Variants in CAMK1D observed in about 807,000 individuals in gnomAD.
CAMK1D encodes calcium/calmodulin dependent protein kinase ID, also known as calcium/calmodulin-dependent protein kinase type 1D.
CAMK1D carries 9 observed loss-of-function variants against 47.7 expected under a neutral mutation model. The ratio of observed to expected loss-of-function variants is 0.19; its 90% CI spans 0.11 to 0.33. The LOEUF is 0.33. Ranked by LOEUF, CAMK1D falls within the 10% of genes least tolerant of loss-of-function variation. CAMK1D has a pLI of 1.00. For synonymous variants in CAMK1D, 184 were observed against 184.9 expected (o/e 0.99, Z 0.04); for missense variants, 291 against 488.7 (o/e 0.60, Z 3.81).
At chr10:12,652,645 C>G (rs1032168973) in intron 2 of CAMK1D, among the ~76,000 whole-genome samples, 2 of 152,046 alleles carry the variant, frequency 1.3e-5, no homozygotes, top group Non-Finnish European at 2.9e-5. Context: ...TTAGCCACAA[C>G]CTATTTGTAA....
chr10:12,389,718 A>AT (rs1348984281), intron 1 of CAMK1D, among the ~76,000 whole-genome samples: 1 of 152,170 alleles, frequency 6.6e-6, no homozygotes, highest in African/African-American at 2.4e-5. Flanking sequence ...TAGTTAGATG[A>AT]AAACGCCCTC....
intron 5 of CAMK1D, among the ~76,000 whole-genome samples, chr10:12,783,493 G>A (rs1161449540): frequency 6.6e-6 from 1 of 152,144 alleles, no homozygotes; most frequent in African/African-American, 2.4e-5. Context: ...GGGCTTCGCC[G>A]TTTCCTCCAC....
intron 1 of CAMK1D, among the ~76,000 whole-genome samples, chr10:12,463,075 G>A (rs147313960): frequency 1.4e-4 from 21 of 151,616 alleles, no homozygotes; most frequent in African/African-American, 5.1e-4. Flanking sequence ...GTCCAAGACC[G>A]ATAACAGCAA....
intron 1 of CAMK1D, among the ~76,000 whole-genome samples, chr10:12,371,537 C>G (rs1191032127): frequency 6.7e-6 from 1 of 148,504 alleles, no homozygotes; most frequent in Non-Finnish European, 1.5e-5. Context: ...GATCGTGCCA[C>G]TGCACTCCAG....
At chr10:12,490,759 C>T (rs1392140881) in intron 1 of CAMK1D, among the ~76,000 whole-genome samples, 104 of 152,170 alleles carry the variant, frequency 6.8e-4, no homozygotes, top group Non-Finnish European at 5.9e-5. Context: ...GCAGGAGAAT[C>T]GCTTGAACCC....
At chr10:12,455,608 C>A (rs1453292092) in intron 1 of CAMK1D, among the ~76,000 whole-genome samples, 1 of 152,124 alleles carries the variant, frequency 6.6e-6, no homozygotes, top group Non-Finnish European at 1.5e-5. Context: ...GTTTTTTCCC[C>A]ATTGCTCTGT....
At chr10:12,441,989 T>G (rs888564245) in intron 1 of CAMK1D, among the ~76,000 whole-genome samples, 1 of 152,178 alleles carries the variant, frequency 6.6e-6, no homozygotes, top group Non-Finnish European at 1.5e-5. Flanking sequence ...TAAAATAAAT[T>G]TTCTTGCACA....
intron 2 of CAMK1D, chr10:12,578,910 A>C (rs964165846): frequency 6.5e-6 from 1 of 153,952 alleles, no homozygotes. Flanking sequence ...CTATGTGAAC[A>C]CGGTGGGTAG....
At chr10:12,527,350 CTTTT>C (rs750670427) in intron 1 of CAMK1D, among the ~76,000 whole-genome samples, 5 of 84,034 alleles carry the variant, frequency 5.9e-5, no homozygotes, top group African/African-American at 9.7e-5. Flanking sequence ...ACTTGACTTG[CTTTT>C]TTTTTTTTTT....
At chr10:12,676,734 A>G (rs1840821475) in intron 3 of CAMK1D, among the ~76,000 whole-genome samples, 1 of 152,156 alleles carries the variant, frequency 6.6e-6, no homozygotes. Context: ...GGAAAAAAAG[A>G]ACTTCGTAGG....
intron 3 of CAMK1D, among the ~76,000 whole-genome samples, chr10:12,694,112 TATATTATGC>T (rs1219472719): frequency 5.5e-3 from 260 of 47,354 alleles, no homozygotes; most frequent in Middle Eastern, 0.028. Context: ...ATATATAATA[TATATTATGC>T]ATAATATATA....
At chr10:12,369,110 C>T (rs1837935560) in intron 1 of CAMK1D, among the ~76,000 whole-genome samples, 1 of 152,104 alleles carries the variant, frequency 6.6e-6, no homozygotes, top group Non-Finnish European at 1.5e-5. Context: ...CCACCACACC[C>T]AGCCAGGATT....
chr10:12,713,002 A>G (rs1194564774), intron 3 of CAMK1D, among the ~76,000 whole-genome samples: 1 of 152,130 alleles, frequency 6.6e-6, no homozygotes, highest in African/African-American at 2.4e-5. Flanking sequence ...TCCATGGAAA[A>G]GATGGTTTTG....
At chr10:12,679,221 C>A (rs909402869) in intron 3 of CAMK1D, among the ~76,000 whole-genome samples, 1 of 152,190 alleles carries the variant, frequency 6.6e-6, no homozygotes, top group Non-Finnish European at 1.5e-5. Flanking sequence ...ACAATTGTAA[C>A]CTTTTTGAAA....
At chr10:12,703,934 G>A (rs10752274) in intron 3 of CAMK1D, among the ~76,000 whole-genome samples, 138,082 of 152,042 alleles carry the variant, frequency 0.91, 63,287 homozygotes, top group Non-Finnish European at 0.97. Flanking sequence ...CACAAAATAA[G>A]CTCTCATATT....
At chr10:12,565,227 C>A (rs1289207525) in intron 2 of CAMK1D, among the ~76,000 whole-genome samples, 1 of 151,068 alleles carries the variant, frequency 6.6e-6, no homozygotes, top group Non-Finnish European at 1.5e-5. Context: ...CGAATAAATA[C>A]CTACATACAT....
chr10:12,751,248 T>C (rs1048207227), intron 3 of CAMK1D, among the ~76,000 whole-genome samples: 2 of 152,000 alleles, frequency 1.3e-5, no homozygotes, highest in African/African-American at 4.8e-5. Context: ...TTGTGCAAAA[T>C]ATTTATTTAT....
chr10:12,824,723 G>A (rs1833135339), intron 9 of CAMK1D, among the ~76,000 whole-genome samples, 171 bp downstream of exon 9: 1 of 152,322 alleles, frequency 6.6e-6, no homozygotes, highest in Middle Eastern at 3.4e-3. Context: ...GATGGAGTGT[G>A]CAATTCAACA....
chr10:12,694,525 A>G (rs1338631069), intron 3 of CAMK1D, among the ~76,000 whole-genome samples: 1 of 126,864 alleles, frequency 7.9e-6, no homozygotes, highest in South Asian at 2.8e-4. Flanking sequence ...AATATATATG[A>G]TATATATTAT....
Sources: allele counts gnomAD v4.1 joint callset (sites outside exome capture counted in the v4.1 genomes callset), GRCh38; gene constraint gnomAD v4.1.1; transcripts MANE v1.5; gene names NCBI Gene and HGNC (gene_info 2026-07-23, HGNC 2026-07-21).